The following DHRSX variants were observed in gnomAD, a reference collection of about 807,000 sequenced individuals.
The protein encoded by DHRSX is dehydrogenase/reductase X-linked.
In DHRSX, 31 loss-of-function variants were observed where a neutral mutation model predicts 34.0. The observed-to-expected ratio is 0.91, with a 90% CI of 0.69 to 1.23. The LOEUF (loss-of-function observed/expected upper bound fraction) is 1.23. Ranked by LOEUF, DHRSX falls within the 50% of genes most tolerant of loss-of-function variation. DHRSX has a pLI of 0.00. For synonymous variants in DHRSX, 201 were observed against 183.8 expected (o/e 1.09, Z -0.76); for missense variants, 414 against 428.1 (o/e 0.97, Z 0.29).
intron 3 of DHRSX, among the ~76,000 whole-genome samples, chrX:2,317,580 G>A (rs2042255916): frequency 6.6e-6 from 1 of 151,798 alleles, no homozygotes; most frequent in African/African-American, 2.4e-5. Context: ...TGGTTTTGAG[G>A]GCTTTGGTAT....
At chrX:2,273,749 G>C (rs896993696) in intron 4 of DHRSX, among the ~76,000 whole-genome samples, 2 of 152,208 alleles carry the variant, frequency 1.3e-5, no homozygotes, top group African/African-American at 4.8e-5. Context: ...CTGTTTCTGT[G>C]CTGGTTCTCT....
chrX:2,489,279 T>C, intron 1 of DHRSX: 1 of 1,613,860 alleles, frequency 6.2e-7, no homozygotes, highest in Non-Finnish European at 8.5e-7. Context: ...AAGGGCAGCC[T>C]CTTGTAGCGG....
intron 3 of DHRSX, among the ~76,000 whole-genome samples, chrX:2,396,601 C>A (rs1016166773): frequency 2.0e-5 from 3 of 151,704 alleles, no homozygotes; most frequent in Non-Finnish European, 4.4e-5. Context: ...TGGTCTCGAA[C>A]TCCTGGCCTC....
At chrX:2,487,371 T>C (rs2044969564) in intron 1 of DHRSX, 1 of 105,852 alleles carries the variant, frequency 9.4e-6, no homozygotes, top group South Asian at 4.5e-4. Context: ...CCACCCACTT[T>C]TGTTTTGTTT....
chrX:2,302,773 GAC>G (rs1372565008), intron 3 of DHRSX, among the ~76,000 whole-genome samples: 3 of 151,976 alleles, frequency 2.0e-5, no homozygotes, highest in African/African-American at 4.8e-5. Flanking sequence ...AAAAAATAAT[GAC>G]AGTCATTTAA....
chrX:2,420,022 C>T (rs913697795), intron 2 of DHRSX, among the ~76,000 whole-genome samples: 1 of 152,072 alleles, frequency 6.6e-6, no homozygotes, highest in Admixed American at 6.6e-5. Flanking sequence ...CAGGCTACAG[C>T]AGCCCAAACA....
At chrX:2,258,566 A>G (rs989264867) in intron 5 of DHRSX, among the ~76,000 whole-genome samples, 8 of 152,024 alleles carry the variant, frequency 5.3e-5, no homozygotes, top group African/African-American at 1.9e-4. Flanking sequence ...CCAAGGAGAG[A>G]GGCCTCAGGA....
chrX:2,473,821 C>G lies in DHRSX; in HGVS notation c.109+26996G>C, dbSNP rs1174292581. 2.9e-5 allele frequency among the ~76,000 whole-genome samples: 4 copies of G among 140,002 alleles called. 1 individual carries two copies. The highest frequency in any genetic ancestry group is 1.2e-4 in the African/African-American group (4 of 32,992). 91.8% of individuals were successfully genotyped at this position (140,002 alleles called of 152,430 possible). On this transcript the variant is annotated intron_variant, in intron 1 of 6. Transcript: ENST00000334651. ...GGGCATCTCCAGAAATCCAAAGATT[C>G]AGGTTCTGAATCTCTGATCTGGGTG...
intron 1 of DHRSX, among the ~76,000 whole-genome samples, chrX:2,460,999 G>A (rs1457786990): frequency 2.0e-5 from 3 of 152,140 alleles, no homozygotes; most frequent in African/African-American, 7.2e-5. Context: ...GGGATGACAG[G>A]TGTGAGCCAT....
At chrX:2,256,547 C>A (rs1229962647) in intron 5 of DHRSX, among the ~76,000 whole-genome samples, 1 of 152,132 alleles carries the variant, frequency 6.6e-6, no homozygotes, top group Non-Finnish European at 1.5e-5. Flanking sequence ...ACGCCCGCCT[C>A]GGCCTCCCAA....
chrX:2,362,462 C>A (rs1371286702), intron 3 of DHRSX, among the ~76,000 whole-genome samples: 1 of 152,040 alleles, frequency 6.6e-6, no homozygotes, highest in Non-Finnish European at 1.5e-5. Context: ...CACCATATGC[C>A]ACTAATTTTT....
At chrX:2,283,295 C>T (rs1216299372) in intron 4 of DHRSX, among the ~76,000 whole-genome samples, 2 of 151,912 alleles carry the variant, frequency 1.3e-5, no homozygotes, top group African/African-American at 4.8e-5. Context: ...CATCCAAATG[C>T]CTCCTGTTCA....
At chrX:2,314,745 A>G (rs140717020) in intron 3 of DHRSX, among the ~76,000 whole-genome samples, 2,943 of 152,188 alleles carry the variant, frequency 0.019, 102 homozygotes, top group African/African-American at 0.065. Context: ...TAGACCCTTT[A>G]GATAGGAATT....
At chrX:2,401,073 C>T (rs182491305) in intron 3 of DHRSX, among the ~76,000 whole-genome samples, 22 of 150,122 alleles carry the variant, frequency 1.5e-4, no homozygotes, top group South Asian at 8.4e-4. Context: ...CTGATGAAGA[C>T]GGCACAAGCT....
chrX:2,405,614 TG>T (rs1421784215), intron 3 of DHRSX, among the ~76,000 whole-genome samples: 2 of 151,676 alleles, frequency 1.3e-5, no homozygotes, highest in Middle Eastern at 3.2e-3. Flanking sequence ...AAGATGAACC[TG>T]GGCAACAAGG....
At chrX:2,345,100 C>G (rs766844406) in intron 3 of DHRSX, among the ~76,000 whole-genome samples, 1 of 151,834 alleles carries the variant, frequency 6.6e-6, no homozygotes, top group African/African-American at 2.4e-5. Flanking sequence ...GAGCAGCTTC[C>G]ATGGCTTCCC....
chrX:2,406,025 G>C (rs1305722485), intron 3 of DHRSX, among the ~76,000 whole-genome samples: 1 of 152,128 alleles, frequency 6.6e-6, no homozygotes, highest in Non-Finnish European at 1.5e-5. Context: ...CGGGTGCAGT[G>C]GCTCACGCCT....
At chrX:2,274,487 G>A (rs2041598168) in intron 4 of DHRSX, among the ~76,000 whole-genome samples, 1 of 151,722 alleles carries the variant, frequency 6.6e-6, no homozygotes, top group Non-Finnish European at 1.5e-5. Flanking sequence ...GTTGAACTCG[G>A]CTCACTGCAA....
chrX:2,383,074 G>T (rs1005183025), intron 3 of DHRSX, among the ~76,000 whole-genome samples: 48 of 142,016 alleles, frequency 3.4e-4, no homozygotes, highest in Admixed American at 9.7e-4. Flanking sequence ...ACCATCATCA[G>T]CAGCAGCAGC....
Sources: gnomAD v4.1 joint callset for allele counts (sites outside exome capture counted in the v4.1 genomes callset) on GRCh38, gnomAD v4.1.1 for gene constraint, MANE v1.5 for transcripts, NCBI Gene and HGNC (gene_info 2026-07-23, HGNC 2026-07-21) for gene names.